The following PRKG1 variants were observed in gnomAD, a reference collection of about 807,000 sequenced individuals.
PRKG1 encodes cGMP-dependent protein kinase 1.
In PRKG1, 35 loss-of-function variants were observed where a neutral mutation model predicts 88.1. That is an observed-to-expected ratio of 0.40 (90% CI 0.30 to 0.53). The LOEUF is 0.53. PRKG1 is among the 20% of genes least tolerant of loss of function. PRKG1 has a pLI of 0.59. For synonymous variants in PRKG1, 303 were observed against 292.5 expected, an observed-to-expected ratio of 1.04 and a Z score of -0.37; for missense variants, 540 against 839.8, an observed-to-expected ratio of 0.64 and a Z score of 4.41.
chr10:51,232,081 GGTA>G (rs1448085337), intron 2 of PRKG1, among the ~76,000 whole-genome samples: 3 of 152,120 alleles, frequency 2.0e-5, no homozygotes, highest in African/African-American at 7.2e-5. Flanking sequence ...GCAAACTAAA[GGTA>G]CTAAAAAGAG....
chr10:52,078,664 T>C (rs1053459101), intron 7 of PRKG1, among the ~76,000 whole-genome samples: 3 of 152,262 alleles, frequency 2.0e-5, no homozygotes. Context: ...AAAGGAAGAC[T>C]GGATAAATTA....
chr10:50,993,700 A>C (rs760767671), intron 1 of PRKG1, among the ~76,000 whole-genome samples: 1 of 152,246 alleles, frequency 6.6e-6, no homozygotes, highest in African/African-American at 2.4e-5. Context: ...GCTTTGCAGC[A>C]GGGAGGAGAT....
chr10:51,827,685 G>GA (rs1935097248), intron 4 of PRKG1, among the ~76,000 whole-genome samples: 1 of 152,088 alleles, frequency 6.6e-6, no homozygotes, highest in Non-Finnish European at 1.5e-5. Flanking sequence ...TGTGTAAAAA[G>GA]AAAAAACATA....
intron 3 of PRKG1, among the ~76,000 whole-genome samples, chr10:51,746,318 T>C (rs1368778842): frequency 6.6e-6 from 1 of 151,166 alleles, no homozygotes; most frequent in Non-Finnish European, 1.5e-5. Context: ...AAAAAAAAAC[T>C]CCCTGCTACC....
intron 5 of PRKG1, among the ~76,000 whole-genome samples, chr10:51,957,285 TTC>T (rs1380704780): frequency 3.3e-3 from 1 of 300 alleles, no homozygotes; most frequent in Non-Finnish European, 6.7e-3. Context: ...TCCTTTTCTT[TTC>T]TTTTTTTTTT....
At position 51,699,791 on chromosome 10, in the gene PRKG1, C is replaced by T. The variant is rs183810676; in HGVS notation, c.593-104794C>T. Among the ~76,000 whole-genome samples, 775 of 152,354 alleles carry T rather than the reference C, an allele frequency of 5.1e-3. 2 individuals are homozygous for T. The highest frequency in any genetic ancestry group is 9.1e-3 in the Admixed American group (139 of 15,310). On this transcript the variant is annotated intron_variant, in intron 3 of 17. Coordinates refer to ENST00000373980, the MANE Select transcript of PRKG1 (RefSeq NM_006258.4). ...ATTACAGAGTCGCATGATTCCTTTC[C>T]CATTTCACGTTCCGCTGACTTTCTG...
At position 51,055,410 on chromosome 10, in the gene PRKG1, T is replaced by A. The variant is rs537939888; in HGVS notation, c.266+63766T>A. 2.0e-5 allele frequency among the ~76,000 whole-genome samples: 3 copies of A among 152,324 alleles called. No individual in the cohort carries two copies. In the East Asian group the frequency reaches 5.8e-4, roughly 29 times the overall value. ...GTACCATTGTAGATTCTTTAGATTA[T>A]TTTATTCATTATAATCTTATAAAGC... On this transcript the variant is annotated intron_variant, in intron 1 of 17. Transcript: ENST00000401604.
At position 51,804,889 on chromosome 10, in the gene PRKG1, C is replaced by T. The variant is rs189541750; in HGVS notation, c.698+199C>T. On this transcript the variant is annotated intron_variant, in intron 4 of 17. Transcript: ENST00000373980. ...ATCTGTAGAGATGTAAGACTTCAAACAAGCTTCTTTATATTTCTGGTGCCA... is the reference window on the plus strand; with the variant it reads ...ATCTGTAGAGATGTAAGACTTCAAATAAGCTTCTTTATATTTCTGGTGCCA... Among the ~76,000 whole-genome samples the T allele has an allele frequency of 8.5e-5, 13 of 152,112 alleles. No individual in the cohort carries two copies. In the East Asian group the frequency reaches 2.1e-3, roughly 25 times the overall value.
intron 2 of PRKG1, among the ~76,000 whole-genome samples, chr10:51,184,341 T>C (rs1298429692): frequency 1.3e-5 from 2 of 152,236 alleles, no homozygotes; most frequent in South Asian, 4.1e-4. Flanking sequence ...CTGCTATAAT[T>C]TAACAATTTG....
At chr10:51,028,556 G>C (rs763013032) in intron 1 of PRKG1, among the ~76,000 whole-genome samples, 4 of 137,998 alleles carry the variant, frequency 2.9e-5, no homozygotes, top group Admixed American at 7.7e-5. Flanking sequence ...TTTATTGCTG[G>C]GAGAAGACAG....
chr10:51,563,140 T>C (rs1837513759), intron 3 of PRKG1, among the ~76,000 whole-genome samples: 1 of 152,040 alleles, frequency 6.6e-6, no homozygotes, highest in African/African-American at 2.4e-5. Flanking sequence ...GTTTATTAAG[T>C]AGAAAATAAG....
intron 9 of PRKG1, among the ~76,000 whole-genome samples, chr10:52,166,853 A>ATATATATATG (rs1240723545): frequency 9.8e-6 from 1 of 102,072 alleles, no homozygotes; most frequent in Non-Finnish European, 2.0e-5. Flanking sequence ...ATATATGTCT[A>ATATATATATG]TATATATATC....
At chr10:51,228,697 CG>C in intron 2 of PRKG1, among the ~76,000 whole-genome samples, 1 of 152,244 alleles carries the variant, frequency 6.6e-6, no homozygotes, top group African/African-American at 2.4e-5. Flanking sequence ...ATTGCATGTA[CG>C]ATGTACATTT....
chr10:51,639,791 G>T (rs532184982), intron 3 of PRKG1, among the ~76,000 whole-genome samples: 59 of 152,008 alleles, frequency 3.9e-4, no homozygotes, highest in African/African-American at 1.3e-3. Context: ...TACTTTTAAT[G>T]CAAAAACCAC....
chr10:50,998,628 G>T (rs908493947), intron 1 of PRKG1, among the ~76,000 whole-genome samples: 1 of 151,826 alleles, frequency 6.6e-6, no homozygotes, highest in African/African-American at 2.4e-5. Context: ...CATGCCTGTA[G>T]TCCCAGCTGC....
chr10:51,708,361 A>G (rs1308479775), intron 3 of PRKG1, among the ~76,000 whole-genome samples: 2 of 152,132 alleles, frequency 1.3e-5, no homozygotes, highest in African/African-American at 4.8e-5. Context: ...ATACAGTCAC[A>G]TTGTGGGCTA....
intron 3 of PRKG1, among the ~76,000 whole-genome samples, chr10:51,591,701 C>T (rs756494355): frequency 9.9e-5 from 15 of 152,118 alleles, no homozygotes; most frequent in Non-Finnish European, 2.2e-4. Flanking sequence ...GATAATCTTT[C>T]GTTCCCATTT....
At chr10:52,248,186 A>G (rs1328913707) in intron 9 of PRKG1, among the ~76,000 whole-genome samples, 4 of 152,060 alleles carry the variant, frequency 2.6e-5, no homozygotes, top group Non-Finnish European at 5.9e-5. Flanking sequence ...TAAACCCACA[A>G]CCTTCCAGTG....
intron 3 of PRKG1, among the ~76,000 whole-genome samples, chr10:51,603,201 G>C (rs542815839): frequency 1.9e-4 from 29 of 152,112 alleles, no homozygotes; most frequent in African/African-American, 6.5e-4. Context: ...CAAGTGCTCT[G>C]CCCACCTTGG....
Sources: allele counts gnomAD v4.1 joint callset (sites outside exome capture counted in the v4.1 genomes callset), GRCh38; gene constraint gnomAD v4.1.1; transcripts MANE v1.5; gene names NCBI Gene and HGNC (gene_info 2026-07-23, HGNC 2026-07-21).